TMC2: variants seen among roughly 807,000 people sequenced by gnomAD.
The protein encoded by TMC2 is transmembrane channel-like protein 2.
In TMC2, 102 loss-of-function variants were observed where a neutral mutation model predicts 105.9. The ratio of observed to expected loss-of-function variants is 0.96; its 90% CI spans 0.82 to 1.14. TMC2 has a LOEUF of 1.14. TMC2 is among the 50% of genes most tolerant of loss of function. The pLI is 0.00. For missense variants in TMC2, 1,093 were observed against 1,134.3 expected (o/e 0.96, Z 0.52); for synonymous variants, 402 against 422.8 (o/e 0.95, Z 0.60).
At chr20:2,604,712 G>T (rs1021255018) in intron 11 of TMC2, among the ~76,000 whole-genome samples, 1 of 152,164 alleles carries the variant, frequency 6.6e-6, no homozygotes, top group Non-Finnish European at 1.5e-5. Context: ...CACCTCCAGG[G>T]AGGGGAGAGG....
chr20:2,628,167 C>CA (rs34201766), intron 17 of TMC2, among the ~76,000 whole-genome samples: 16,831 of 114,528 alleles, frequency 0.15, 1,103 homozygotes, highest in Middle Eastern at 0.23. Flanking sequence ...GACTCTGTCT[C>CA]AAAAAAAAAA....
At chr20:2,615,851 T>C (rs1200652317) in intron 14 of TMC2, among the ~76,000 whole-genome samples, 1 of 152,256 alleles carries the variant, frequency 6.6e-6, no homozygotes, top group East Asian at 1.9e-4. Flanking sequence ...AAGAACACGC[T>C]GTCAGCCTGC....
At chr20:2,607,016 T>C (rs973734602) in intron 11 of TMC2, among the ~76,000 whole-genome samples, 5 of 151,884 alleles carry the variant, frequency 3.3e-5, no homozygotes, top group African/African-American at 1.2e-4. Flanking sequence ...TGAATACTCA[T>C]TATAATTTTT....
At chr20:2,560,719 G>A (rs553635073) in intron 3 of TMC2, among the ~76,000 whole-genome samples, 1 of 151,968 alleles carries the variant, frequency 6.6e-6, no homozygotes, top group Non-Finnish European at 1.5e-5. Flanking sequence ...TGCCTGTAGT[G>A]CCAGCTACTC....
chr20:2,623,257 G>T (rs1396276721), intron 16 of TMC2, among the ~76,000 whole-genome samples: 1 of 152,010 alleles, frequency 6.6e-6, no homozygotes, highest in Non-Finnish European at 1.5e-5. Context: ...TAATTGTCAG[G>T]CCGGGCACAG....
At chr20:2,633,789 G>A (rs1397898862) in intron 17 of TMC2, among the ~76,000 whole-genome samples, 1 of 152,062 alleles carries the variant, frequency 6.6e-6, no homozygotes, top group Non-Finnish European at 1.5e-5. Flanking sequence ...AGGCAACTTA[G>A]ATGCTGCAGA....
At chr20:2,638,556 G>T (rs1230055455) in intron 19 of TMC2, among the ~76,000 whole-genome samples, 1 of 152,130 alleles carries the variant, frequency 6.6e-6, no homozygotes, top group Non-Finnish European at 1.5e-5. Context: ...TCCAGAAGAA[G>T]GTGTTGTTAT....
rs374019495 is a variant in TMC2, at chr20:2,558,800, A to C, written c.401+26A>C. The C allele has an allele frequency of 2.0e-6, 3 of 1,506,462 alleles. No homozygotes were observed. In the South Asian group the frequency reaches 4.1e-5, roughly 21 times the overall value. The allele number at this position is 1,506,462 out of a possible 1,614,324, so 93.3% of individuals were successfully genotyped here. ...GTGTGTTGTGGCTCCGATTCTGGGC[A>C]TTCGCTCCGCGCGCTCCCGCTCCTT... On this transcript the variant is annotated intron_variant, in intron 3 of 19. Transcript: ENST00000358864. This position sits in a 1 kb window ranked among gnomAD's most constrained non-coding sequence, Gnocchi z 4.6.
intron 16 of TMC2, among the ~76,000 whole-genome samples, chr20:2,623,577 C>T (rs1007022456): frequency 2.0e-5 from 3 of 151,622 alleles, no homozygotes; most frequent in Admixed American, 1.3e-4. Flanking sequence ...TAATTGTCCA[C>T]GTGTCTCACC....
intron 2 of TMC2, among the ~76,000 whole-genome samples, chr20:2,545,907 A>AG (rs35352229): frequency 7.1e-4 from 32 of 45,078 alleles, no homozygotes; most frequent in African/African-American, 2.0e-3. Context: ...AAAGAAAGAA[A>AG]AAAAGAAAGA....
chr20:2,540,639 C>A, intron 2 of TMC2, among the ~76,000 whole-genome samples: 1 of 122,288 alleles, frequency 8.2e-6, no homozygotes, highest in South Asian at 2.8e-4. Context: ...CCAGCCTGGG[C>A]GGCAGAGAGG....
chr20:2,581,475 G>T (rs188040716), intron 7 of TMC2, among the ~76,000 whole-genome samples: 2 of 152,180 alleles, frequency 1.3e-5, no homozygotes, highest in Non-Finnish European at 2.9e-5. Flanking sequence ...ACTGTCAAGC[G>T]TACACAAACA....
intron 11 of TMC2, among the ~76,000 whole-genome samples, chr20:2,607,521 G>A (rs569376063): frequency 6.6e-5 from 10 of 152,266 alleles, no homozygotes; most frequent in South Asian, 2.1e-4. Flanking sequence ...TTATTGGACC[G>A]AGCAGAGTTC....
At chr20:2,602,855 A>G (rs1398899103) in intron 11 of TMC2, among the ~76,000 whole-genome samples, 1 of 152,216 alleles carries the variant, frequency 6.6e-6, no homozygotes, top group Admixed American at 6.5e-5. Context: ...AATTCTTCCT[A>G]TCCTTGTATG....
rs149529222 is a variant in TMC2 at position 2,592,683 on chromosome 20, G to C, written c.933+275G>C. ...CCAGGTCTCTGTAAGGTGATCTCAC[G>C]GTATGCTTTTCTTTCCTCATTCCCA... On this transcript the variant is annotated intron_variant, in intron 8 of 19. Transcript: ENST00000358864. This position sits in a 1 kb window ranked among gnomAD's most constrained non-coding sequence, Gnocchi z 4.9. Among the ~76,000 whole-genome samples, 1 of 152,010 alleles carries C rather than the reference G, an allele frequency of 6.6e-6. No homozygotes were observed. Among genetic ancestry groups the C allele is most frequent in the African/African-American group, 2.4e-5 (1 of 41,390 alleles).
chr20:2,559,883 T>C (rs1291204982), intron 3 of TMC2, among the ~76,000 whole-genome samples: 7 of 152,180 alleles, frequency 4.6e-5, no homozygotes, highest in Non-Finnish European at 8.8e-5. Flanking sequence ...AGAGGGAGCC[T>C]GTACCATCCC....
intron 4 of TMC2, among the ~76,000 whole-genome samples, chr20:2,566,859 C>T (rs2086067932): frequency 6.6e-6 from 1 of 152,166 alleles, no homozygotes; most frequent in East Asian, 1.9e-4. Flanking sequence ...AAAAAAAATG[C>T]CCCAAGAAAA....
Position 2,597,280 on chromosome 20 carries a change from C to T in TMC2, c.1206C>T (p.Ser402=). The change falls in exon 10 of 20, where the codon TCC becomes TCT. Residue 402 remains serine (S), a synonymous_variant. Coordinates refer to ENST00000358864, the MANE Select transcript of TMC2 (RefSeq NM_080751.3). ...AGACAGCTGATAACAAATATGCATC[C>T]ATCACCACCAGCTTCAAGGTAGTCA... The part of the protein sequence containing the change: ...NSETADNKYA[S]ITTSFKESIV... 6.2e-7 allele frequency: 1 copy of T among 1,613,896 alleles called. No individual in the cohort carries two copies. Among genetic ancestry groups the T allele is most frequent in the African/African-American group, 1.3e-5 (1 of 75,038 alleles).
chr20:2,553,616 T>G (rs111388238), intron 2 of TMC2, among the ~76,000 whole-genome samples: 2,914 of 152,320 alleles, frequency 0.019, 87 homozygotes, highest in African/African-American at 0.066. Context: ...GCTTCTATTT[T>G]CTGGAAGAAA....
Sources: allele counts gnomAD v4.1 joint callset (sites outside exome capture counted in the v4.1 genomes callset), GRCh38; gene constraint gnomAD v4.1.1; non-coding constraint Gnocchi (gnomAD v3.1); transcripts MANE v1.5; gene names NCBI Gene and HGNC (gene_info 2026-07-23, HGNC 2026-07-21).